Variants in PRKCE observed in about 807,000 individuals in gnomAD.
PRKCE encodes the protein protein kinase C epsilon type.
In PRKCE, 16 loss-of-function variants were observed where a neutral mutation model predicts 85.4. That is an observed-to-expected ratio of 0.19 (90% confidence interval 0.13 to 0.28). PRKCE has a LOEUF of 0.28. Ranked by LOEUF, PRKCE falls within the 10% of genes least tolerant of loss-of-function variation. The probability of loss-of-function intolerance (pLI) is 1.00; values close to 1 mark genes in which losing one functional copy is unlikely to be tolerated. For missense variants in PRKCE, 573 were observed against 975.2 expected (o/e 0.59, Z 5.49); for synonymous variants, 388 against 371.5 (o/e 1.04, Z -0.51).
chr2:45,877,084 GT>G (rs899683227), intron 2 of PRKCE, among the ~76,000 whole-genome samples: 6 of 143,952 alleles, frequency 4.2e-5, no homozygotes, highest in Non-Finnish European at 7.8e-5. Context: ...TTCTTGCATG[GT>G]TTTATTTGTT....
intron 1 of PRKCE, among the ~76,000 whole-genome samples, chr2:45,694,107 AG>A: frequency 6.6e-6 from 1 of 151,236 alleles, no homozygotes; most frequent in East Asian, 1.9e-4. Context: ...TGAGGATGAG[AG>A]GCTTACACCT....
chr2:46,179,014 T>C (rs780461275), intron 14 of PRKCE, among the ~76,000 whole-genome samples: 1 of 152,108 alleles, frequency 6.6e-6, no homozygotes, highest in Non-Finnish European at 1.5e-5. Flanking sequence ...CATGTCTCAG[T>C]TCAGGTCACA....
chr2:46,127,920 T>G (rs1669744363), intron 11 of PRKCE, among the ~76,000 whole-genome samples: 1 of 152,144 alleles, frequency 6.6e-6, no homozygotes, highest in South Asian at 2.1e-4. Flanking sequence ...ACACAGTGGG[T>G]CAGCTCACAG....
intron 13 of PRKCE, 133 bp downstream of exon 13, chr2:46,151,362 A>C: frequency 3.2e-6 from 3 of 938,664 alleles, no homozygotes; most frequent in South Asian, 1.8e-5. Context: ...TCTCCCTCCC[A>C]CCTCTGCTCA....
chr2:45,859,621 T>A (rs1258241054), intron 2 of PRKCE, among the ~76,000 whole-genome samples: 7 of 152,248 alleles, frequency 4.6e-5, no homozygotes, highest in Admixed American at 4.6e-4. Context: ...GTCTGTTCAC[T>A]CCCTTAGTGC....
chr2:45,662,410 C>G (rs1380378200), intron 1 of PRKCE, among the ~76,000 whole-genome samples: 1 of 152,090 alleles, frequency 6.6e-6, no homozygotes, highest in Non-Finnish European at 1.5e-5. Context: ...AAACCTAGAT[C>G]TCACTTCTTC....
chr2:45,986,034 A>G (rs766676966), intron 6 of PRKCE, among the ~76,000 whole-genome samples: 1 of 152,258 alleles, frequency 6.6e-6, no homozygotes, highest in Non-Finnish European at 1.5e-5. Flanking sequence ...GTGGGTACCA[A>G]CATCCAAGGG....
chr2:46,158,451 A>G (rs1236428395), intron 13 of PRKCE, among the ~76,000 whole-genome samples: 1 of 152,150 alleles, frequency 6.6e-6, no homozygotes, highest in Non-Finnish European at 1.5e-5. Flanking sequence ...TAGATGAGAA[A>G]GATGAGGTGC....
chr2:46,152,573 G>A (rs1267702401), intron 13 of PRKCE, among the ~76,000 whole-genome samples: 2 of 151,780 alleles, frequency 1.3e-5, no homozygotes, highest in South Asian at 4.2e-4. Context: ...TTTCAAGATG[G>A]AGTGTTGCTT....
At chr2:45,717,106 C>T (rs1680193999) in intron 1 of PRKCE, among the ~76,000 whole-genome samples, 1 of 152,224 alleles carries the variant, frequency 6.6e-6, no homozygotes, top group Non-Finnish European at 1.5e-5. Flanking sequence ...CCTCTGCTAT[C>T]TGAACCTGTC....
At chr2:46,043,783 C>T (rs1202534827) in intron 10 of PRKCE, among the ~76,000 whole-genome samples, 2 of 152,240 alleles carry the variant, frequency 1.3e-5, no homozygotes, top group South Asian at 2.1e-4. Flanking sequence ...AGGAGTTTCT[C>T]TTCATCCATG....
chr2:45,997,048 T>G (rs896940837), intron 6 of PRKCE, among the ~76,000 whole-genome samples: 1 of 152,184 alleles, frequency 6.6e-6, no homozygotes, highest in Non-Finnish European at 1.5e-5. Flanking sequence ...TTGTGGCAGA[T>G]TGTGTATTTT....
At chr2:46,057,680 C>T (rs536416395) in intron 10 of PRKCE, among the ~76,000 whole-genome samples, 4 of 152,258 alleles carry the variant, frequency 2.6e-5, no homozygotes, top group South Asian at 2.1e-4. Flanking sequence ...GTAATCCACC[C>T]GGCTCAGCCT....
chr2:46,101,859 CAAAAAAAA>C (rs56811595), intron 11 of PRKCE, among the ~76,000 whole-genome samples: 10 of 114,076 alleles, frequency 8.8e-5, no homozygotes, highest in East Asian at 2.5e-4. Context: ...AACTGGCTTT[CAAAAAAAA>C]AAAAAAAAAA....
chr2:45,843,385 G>T (rs563866084), intron 2 of PRKCE, among the ~76,000 whole-genome samples: 237 of 152,320 alleles, frequency 1.6e-3, no homozygotes, highest in African/African-American at 5.6e-3. Context: ...TTGTGTGTGT[G>T]TGGTGGGAAG....
rs116530154 is a variant in PRKCE at position 45,938,550 on chromosome 2, C to T, written c.413-37879C>T. On this transcript the variant is annotated intron_variant, in intron 2 of 14. Coordinates refer to ENST00000306156, the MANE Select transcript of PRKCE (RefSeq NM_005400.3). Reference sequence around the variant, plus strand: ...AACATTTCAGCGCCCACCCCTCAAACCCCCATCAAGCCTTGCAGCAGCTAT... The same window carrying T: ...AACATTTCAGCGCCCACCCCTCAAATCCCCATCAAGCCTTGCAGCAGCTAT... Among the ~76,000 whole-genome samples the T allele has an allele frequency of 7.3e-3, 1,106 of 152,222 alleles. 1 individual carries two copies. The highest frequency in any genetic ancestry group is 0.011 in the Non-Finnish European group (731 of 68,010).
chr2:45,782,714 C>A (rs909057119), intron 1 of PRKCE, among the ~76,000 whole-genome samples: 18 of 151,980 alleles, frequency 1.2e-4, no homozygotes, highest in African/African-American at 4.1e-4. Context: ...TTGAGATAAT[C>A]AACCCTCTGT....
Position 45,905,641 on chromosome 2 carries a change from G to T in PRKCE, c.412+62578G>T, listed in dbSNP as rs1342595237. Among the ~76,000 whole-genome samples, 1 of 152,200 alleles carries T rather than the reference G, an allele frequency of 6.6e-6. No homozygotes were observed. The highest frequency in any genetic ancestry group is 2.4e-5 in the African/African-American group (1 of 41,454). On this transcript the variant is annotated intron_variant, in intron 2 of 14. Coordinates refer to ENST00000306156, the MANE Select transcript of PRKCE (RefSeq NM_005400.3). The surrounding 1 kb of genome is among the most constrained non-coding windows in gnomAD (Gnocchi z 4.4). Reference sequence around the variant, plus strand: ...GTCCTTTCTAAGGGGCTGAGGGCTGGCCGGGGCCCTAGCTGGGGAACCTCT... The same window carrying T: ...GTCCTTTCTAAGGGGCTGAGGGCTGTCCGGGGCCCTAGCTGGGGAACCTCT...
chr2:46,019,059 C>T (rs1706414638), intron 10 of PRKCE, among the ~76,000 whole-genome samples: 1 of 152,196 alleles, frequency 6.6e-6, no homozygotes, highest in Non-Finnish European at 1.5e-5. Context: ...TGTAAATAAC[C>T]TATTTGGCAT....
Sources: allele counts gnomAD v4.1 joint callset (sites outside exome capture counted in the v4.1 genomes callset), GRCh38; gene constraint gnomAD v4.1.1; non-coding constraint Gnocchi (gnomAD v3.1); transcripts MANE v1.5; gene names NCBI Gene and HGNC (gene_info 2026-07-23, HGNC 2026-07-21).